Variants in CHM observed in about 807,000 individuals in gnomAD.
The protein encoded by CHM is rab proteins geranylgeranyltransferase component A 1.
In CHM, 10 loss-of-function variants were observed where a neutral mutation model predicts 49.0. The observed-to-expected ratio is 0.20, with a 90% CI of 0.13 to 0.35. The LOEUF (loss-of-function observed/expected upper bound fraction) is 0.35, where lower values mean the gene tolerates loss of function less well. CHM is among the 10% of genes least tolerant of loss of function. The pLI, the probability that CHM is intolerant of heterozygous loss-of-function variation, is 1.00. For missense variants in CHM, 455 were observed against 478.4 expected (o/e 0.95, Z 0.46); for synonymous variants, 184 against 167.5 (o/e 1.10, Z -0.76).
At chrX:85,991,100 T>C (rs1932164844) in intron 2 of CHM, among the ~76,000 whole-genome samples, 1 of 112,098 alleles carries the variant, frequency 8.9e-6, no homozygotes, top group Non-Finnish European at 1.9e-5. Context: ...AACCTCAGAC[T>C]GTCCTAGTAT....
chrX:85,977,223 A>T (rs1166099018), intron 4 of CHM, among the ~76,000 whole-genome samples: 1 of 112,128 alleles, frequency 8.9e-6, no homozygotes, highest in African/African-American at 3.2e-5. Context: ...CCTGCTTACT[A>T]CTATGACATT....
intron 2 of CHM, among the ~76,000 whole-genome samples, chrX:86,011,355 G>A (rs748122559): frequency 9.0e-6 from 1 of 111,461 alleles, no homozygotes; most frequent in Admixed American, 9.6e-5. Context: ...AATTGTTCAC[G>A]TACAATGGGG....
chrX:85,970,362 T>C (rs1930829177), intron 4 of CHM: 1 of 744,533 alleles, frequency 1.3e-6, no homozygotes, highest in Admixed American at 8.8e-5. Flanking sequence ...CTATATAGTA[T>C]TCCAGTAAAT....
intron 11 of CHM, among the ~76,000 whole-genome samples, chrX:85,895,435 C>T (rs747919970): frequency 1.2e-3 from 132 of 111,166 alleles, no homozygotes; most frequent in Middle Eastern, 4.7e-3. Flanking sequence ...TGAGCCACTG[C>T]GCCCGACCCA....
Position 85,907,059 on chromosome X carries a change from G to A in CHM, c.1244+4202C>T, listed in dbSNP as rs776982581. Reference sequence around the variant, plus strand: ...GCAGGAGAATCGCTTGAACCTGGGAGGCAGAGGTTGCAGTGAGCTGAGATT... The same window carrying A: ...GCAGGAGAATCGCTTGAACCTGGGAAGCAGAGGTTGCAGTGAGCTGAGATT... On this transcript the variant is annotated intron_variant, in intron 9 of 14. Transcript: ENST00000357749. 8.0e-5 allele frequency among the ~76,000 whole-genome samples: 9 copies of A among 112,054 alleles called. No individual in the cohort carries two copies. In the South Asian group the frequency reaches 1.5e-3, roughly 19 times the overall value.
chrX:86,002,122 G>A (rs991545536), intron 2 of CHM, among the ~76,000 whole-genome samples: 2 of 111,805 alleles, frequency 1.8e-5, no homozygotes, highest in Non-Finnish European at 3.8e-5. Flanking sequence ...GAGCAAAGAT[G>A]ATATATGCCA....
At chrX:85,869,744 T>C (rs947237864) in intron 14 of CHM, among the ~76,000 whole-genome samples, 4 of 111,922 alleles carry the variant, frequency 3.6e-5, no homozygotes, top group African/African-American at 9.7e-5. Flanking sequence ...CTAAACCTAG[T>C]TCTAAGCACA....
intron 8 of CHM, among the ~76,000 whole-genome samples, chrX:85,944,915 C>T (rs901046100): frequency 1.1e-4 from 12 of 111,780 alleles, no homozygotes; most frequent in Non-Finnish European, 2.1e-4. Context: ...ACAAGGAAAA[C>T]GTGGTACATC....
intron 12 of CHM, 131 bp from the exon 13 acceptor site, chrX:85,879,194 C>T: frequency 2.1e-6 from 1 of 487,574 alleles, no homozygotes; most frequent in East Asian, 3.9e-5. Context: ...TGTTAACTAA[C>T]AGCTAAAGGA....
At chrX:85,947,906 A>C (rs759418140) in intron 8 of CHM, among the ~76,000 whole-genome samples, 5 of 112,081 alleles carry the variant, frequency 4.5e-5, no homozygotes, top group Non-Finnish European at 7.5e-5. Flanking sequence ...ACAAGCTACA[A>C]GTGAAACATA....
chrX:86,008,561 ATTAT>A (rs1385573975), intron 2 of CHM, among the ~76,000 whole-genome samples: 18 of 111,983 alleles, frequency 1.6e-4, no homozygotes, highest in African/African-American at 4.9e-4. Context: ...AATATGAATC[ATTAT>A]TTAATTATTC....
chrX:85,909,848 C>T (rs73630482), intron 9 of CHM, among the ~76,000 whole-genome samples: 1,284 of 111,835 alleles, frequency 0.011, 15 homozygotes, highest in African/African-American at 0.039. Context: ...ATAAGCAATT[C>T]ATTATCTGGC....
At chrX:85,954,349 T>C (rs560981966) in intron 8 of CHM, among the ~76,000 whole-genome samples, 36 of 111,810 alleles carry the variant, frequency 3.2e-4, no homozygotes, top group Admixed American at 2.4e-3. Context: ...GTACAACCAC[T>C]GTGGAGAACA....
chrX:85,976,863 AAAACACACAC>A (rs200708662), intron 4 of CHM, among the ~76,000 whole-genome samples: 260 of 80,093 alleles, frequency 3.2e-3, no homozygotes, highest in Middle Eastern at 6.3e-3. Flanking sequence ...TGCTAGGGGG[AAAACACACAC>A]AAACACACAC....
chrX:86,042,246 A>G (rs972649875), intron 1 of CHM, among the ~76,000 whole-genome samples: 2 of 111,641 alleles, frequency 1.8e-5, no homozygotes, highest in Non-Finnish European at 3.8e-5. Context: ...TGAAAAAAGC[A>G]GCCTATCATT....
intron 14 of CHM, among the ~76,000 whole-genome samples, chrX:85,872,814 G>A (rs1186086746): frequency 9.0e-6 from 1 of 111,479 alleles, no homozygotes; most frequent in East Asian, 2.8e-4. Context: ...TCCCACGATG[G>A]AACTCATAAA....
In CHM at chrX:85,863,973, TTTC is replaced by T. The variant is rs1923531312; in HGVS notation, c.*654_*656del. ...CCACACCTTTCCTTCCATTCTTTCA[TTTC>T]TTCATTATTGACCTTTCCCAATATG... On this transcript the variant is annotated 3_prime_UTR_variant, in exon 15 of 15. Coordinates refer to ENST00000357749, the MANE Select transcript of CHM (RefSeq NM_000390.4). 1 of 112,362 alleles carries T rather than the reference TTTC, an allele frequency of 8.9e-6. No homozygotes were observed. The highest frequency in any genetic ancestry group is 3.6e-4 in the South Asian group (1 of 2,759). 9.3% of individuals were successfully genotyped at this position (112,362 alleles called of 1,213,427 possible). A position where few individuals can be genotyped will look rare whatever the true frequency, so the allele number is the denominator to read the frequency against.
chrX:85,933,955 C>T (rs1401078525), intron 8 of CHM, among the ~76,000 whole-genome samples: 1 of 110,265 alleles, frequency 9.1e-6, no homozygotes. Context: ...TTGCAGGAGT[C>T]ATTTACAAAA....
chrX:85,877,408 G>C (rs1018105153), intron 13 of CHM, among the ~76,000 whole-genome samples: 1 of 111,308 alleles, frequency 9.0e-6, no homozygotes, highest in Admixed American at 9.6e-5. Context: ...GTAATTCATG[G>C]AGATAGAGTG....
Sources: gnomAD v4.1 joint callset for allele counts (sites outside exome capture counted in the v4.1 genomes callset) on GRCh38, gnomAD v4.1.1 for gene constraint, MANE v1.5 for transcripts, NCBI Gene and HGNC (gene_info 2026-07-23, HGNC 2026-07-21) for gene names.